CCDC7: variants seen among roughly 807,000 people sequenced by gnomAD.
The protein encoded by CCDC7 is coiled-coil domain-containing protein 7.
Under a neutral mutation model 196.9 loss-of-function variants are expected in CCDC7, and 183 were observed. The ratio of observed to expected loss-of-function variants is 0.93; its 90% CI spans 0.82 to 1.05. The LOEUF is 1.05. CCDC7 is among the 50% of genes least tolerant of loss of function. The pLI, the probability that CCDC7 is intolerant of heterozygous loss-of-function variation, is 0.00. For synonymous variants in CCDC7, 525 were observed against 484.6 expected, an observed-to-expected ratio of 1.08 and a Z score of -1.10; for missense variants, 1,540 against 1,482.2, an observed-to-expected ratio of 1.04 and a Z score of -0.64.
intron 40 of CCDC7, 112 bp downstream of exon 41, chr10:32,852,044 A>C: frequency 9.2e-7 from 1 of 1,088,868 alleles, no homozygotes; most frequent in Non-Finnish European, 1.3e-6. Flanking sequence ...GCAAAATATA[A>C]ATGAAAGTAA....
chr10:32,533,166 A>C (rs2049941892), intron 11 of CCDC7, among the ~76,000 whole-genome samples: 1 of 151,800 alleles, frequency 6.6e-6, no homozygotes, highest in African/African-American at 2.4e-5. Flanking sequence ...CTTACAAAGA[A>C]CATTGTATAG....
At chr10:32,662,356 T>C (rs2071663106) in intron 20 of CCDC7, among the ~76,000 whole-genome samples, 1 of 152,180 alleles carries the variant, frequency 6.6e-6, no homozygotes, top group African/African-American at 2.4e-5. Context: ...ACTAAGGTGC[T>C]TTTTCCTGTA....
chr10:32,473,534 G>T (rs1290766970), intron 7 of CCDC7, among the ~76,000 whole-genome samples: 1 of 152,130 alleles, frequency 6.6e-6, no homozygotes, highest in African/African-American at 2.4e-5. Context: ...CACTGTAGAA[G>T]CTAGATTTGG....
At position 32,612,361 on chromosome 10, in the gene CCDC7, G is replaced by GT. The variant is rs2062247638; in HGVS notation, c.1802-21893_1802-21892insT. 2.5e-4 allele frequency among the ~76,000 whole-genome samples: 5 copies of GT among 19,824 alleles called. No homozygotes were observed. In the Non-Finnish European group the frequency reaches 0.019, roughly 75 times the overall value. 13.0% of individuals were successfully genotyped at this position (19,824 alleles called of 152,430 possible). A position where few individuals can be genotyped will look rare whatever the true frequency, so the allele number is the denominator to read the frequency against. On this transcript the variant is annotated intron_variant, in intron 18 of 41. Transcript: ENST00000639629. The stretch of plus-strand genomic sequence containing the variant: ...TTCTAAATATACAATCATGTCATCT[G>GT]CAACAGAGAGAATTTGACTTCCTCT...
chr10:32,608,144 C>G (rs2061720352), intron 18 of CCDC7, among the ~76,000 whole-genome samples: 1 of 151,896 alleles, frequency 6.6e-6, no homozygotes, highest in South Asian at 2.1e-4. Flanking sequence ...TCTCTGGTAA[C>G]TATTGTAATG....
intron 13 of CCDC7, among the ~76,000 whole-genome samples, chr10:32,561,211 G>A (rs931529221): frequency 2.6e-5 from 4 of 152,068 alleles, no homozygotes; most frequent in East Asian, 3.8e-4. Flanking sequence ...CCACACAATA[G>A]TAATGGGAGA....
At chr10:32,752,637 G>A (rs2075832434) in intron 28 of CCDC7, among the ~76,000 whole-genome samples, 1 of 152,090 alleles carries the variant, frequency 6.6e-6, no homozygotes. Flanking sequence ...ACAAAAATTG[G>A]GAAAAGATAG....
intron 29 of CCDC7, among the ~76,000 whole-genome samples, chr10:32,787,984 C>T (rs1162792284): frequency 2.0e-5 from 3 of 152,190 alleles, no homozygotes; most frequent in African/African-American, 7.2e-5. Context: ...GCTCCACTTC[C>T]AGGCAAGCTC....
chr10:32,679,356 C>G (rs183152578), intron 21 of CCDC7, among the ~76,000 whole-genome samples: 1 of 152,142 alleles, frequency 6.6e-6, no homozygotes, highest in South Asian at 2.1e-4. Flanking sequence ...CTTACTCAAA[C>G]AGTAAATGGA....
chr10:32,507,213 G>A (rs1016657976), intron 9 of CCDC7, among the ~76,000 whole-genome samples: 1 of 151,904 alleles, frequency 6.6e-6, no homozygotes, highest in African/African-American at 2.4e-5. Context: ...AGATGGTCTC[G>A]ATCTCTTGAG....
chr10:32,554,729 G>GT, intron 13 of CCDC7, among the ~76,000 whole-genome samples: 1 of 152,180 alleles, frequency 6.6e-6, no homozygotes, highest in Non-Finnish European at 1.5e-5. Context: ...GTCTTTTTAA[G>GT]TTTTTTTAAA....
intron 20 of CCDC7, among the ~76,000 whole-genome samples, chr10:32,663,644 AAATT>A (rs563548213): frequency 8.7e-4 from 133 of 152,232 alleles, no homozygotes; most frequent in African/African-American, 3.2e-3. Flanking sequence ...ATAATACCAC[AAATT>A]ATAATATATA....
At chr10:32,770,361 T>A (rs183908119) in intron 28 of CCDC7, among the ~76,000 whole-genome samples, 12 of 152,326 alleles carry the variant, frequency 7.9e-5, no homozygotes, top group Admixed American at 7.2e-4. Flanking sequence ...CATCTTAATT[T>A]CGTTATTGAC....
intron 9 of CCDC7, among the ~76,000 whole-genome samples, chr10:32,517,636 G>A: frequency 1.0e-5 from 1 of 96,050 alleles, no homozygotes; most frequent in South Asian, 4.7e-4. Context: ...GGGGAGGGGG[G>A]AGGGATAGCA....
At chr10:32,755,354 G>A (rs7895396) in intron 28 of CCDC7, among the ~76,000 whole-genome samples, 156 of 152,268 alleles carry the variant, frequency 1.0e-3, no homozygotes, top group African/African-American at 3.5e-3. Flanking sequence ...AGCCTAACTG[G>A]GAGATACCTC....
At chr10:32,527,111 G>A (rs376268401) in intron 11 of CCDC7, among the ~76,000 whole-genome samples, 1 of 152,204 alleles carries the variant, frequency 6.6e-6, no homozygotes, top group East Asian at 1.9e-4. Flanking sequence ...TTCCCCTCTG[G>A]CAAGGGCTGG....
At chr10:32,628,365 G>T (rs1312549213) in intron 18 of CCDC7, among the ~76,000 whole-genome samples, 1 of 151,538 alleles carries the variant, frequency 6.6e-6, no homozygotes, top group Non-Finnish European at 1.5e-5. Flanking sequence ...TACATCAGTT[G>T]TAATACCTCC....
chr10:32,709,514 A>G (rs1314181938), intron 24 of CCDC7, among the ~76,000 whole-genome samples: 3 of 152,106 alleles, frequency 2.0e-5, no homozygotes, highest in Non-Finnish European at 2.9e-5. Flanking sequence ...AATAAAACCT[A>G]GATCTTTCAG....
chr10:32,796,804 C>A (rs1210812340), intron 29 of CCDC7, among the ~76,000 whole-genome samples: 4 of 152,040 alleles, frequency 2.6e-5, no homozygotes, highest in Non-Finnish European at 5.9e-5. Flanking sequence ...ATTAATTTTA[C>A]AATAATGGAT....
Sources: gnomAD v4.1 joint callset for allele counts (sites outside exome capture counted in the v4.1 genomes callset) on GRCh38, gnomAD v4.1.1 for gene constraint, MANE v1.5 for transcripts, NCBI Gene and HGNC (gene_info 2026-07-23, HGNC 2026-07-21) for gene names.